The following DCP1A variants were observed in gnomAD, a reference collection of about 807,000 sequenced individuals.
DCP1A encodes mRNA-decapping enzyme 1A.
DCP1A carries 20 observed loss-of-function variants against 58.0 expected under a neutral mutation model. That is an observed-to-expected ratio of 0.34 (90% CI 0.24 to 0.50). The LOEUF (loss-of-function observed/expected upper bound fraction) is 0.50. Ranked by LOEUF, DCP1A falls within the 20% of genes least tolerant of loss-of-function variation. The pLI is 0.98. For missense variants in DCP1A, 613 were observed against 712.2 expected, an observed-to-expected ratio of 0.86 and a Z score of 1.59; for synonymous variants, 285 against 275.1, an observed-to-expected ratio of 1.04 and a Z score of -0.36.
At chr3:53,307,052 C>T (rs782507605) in intron 5 of DCP1A, among the ~76,000 whole-genome samples, 3 of 149,762 alleles carry the variant, frequency 2.0e-5, no homozygotes, top group South Asian at 4.3e-4. Flanking sequence ...TTCTCATGAA[C>T]CTCAGCCTCC....
intron 7 of DCP1A, among the ~76,000 whole-genome samples, 163 bp downstream of exon 7, chr3:53,291,906 A>T (rs186628155): frequency 6.6e-6 from 1 of 152,222 alleles, no homozygotes; most frequent in East Asian, 1.9e-4. Flanking sequence ...TTGGTTGTTC[A>T]TGATAGGGCT....
intron 2 of DCP1A, among the ~76,000 whole-genome samples, chr3:53,343,830 C>T (rs74433231): frequency 6.6e-6 from 1 of 152,126 alleles, no homozygotes; most frequent in East Asian, 1.9e-4. Context: ...CCAGGATGGT[C>T]TTGATCTCCT....
rs1706710441 is a variant in DCP1A at position 53,288,066 on chromosome 3, T to C, written c.1667A>G (p.Lys556Arg). The change falls in exon 9 of 10, where the codon AAG becomes AGG. Residue 556 changes from lysine (K) to arginine (R), a missense_variant and splice_region_variant. By Grantham distance (26) the Lys-to-Arg change is conservative. Transcript: ENST00000610213. ...QLQDTLIHLI[K>R]NDSSFLSTLH... The stretch of plus-strand genomic sequence containing the variant: ...AGATAAAATTGGTATCCTACATACC[T>C]TTATTAGATGTATTAATGTATCCTG... 6.2e-7 allele frequency: 1 copy of C among 1,611,880 alleles called. No homozygotes were observed. The highest frequency in any genetic ancestry group is 8.5e-7 in the Non-Finnish European group (1 of 1,177,988).
chr3:53,309,098 A>G (rs1707565975), intron 5 of DCP1A, among the ~76,000 whole-genome samples: 1 of 152,172 alleles, frequency 6.6e-6, no homozygotes, highest in African/African-American at 2.4e-5. Context: ...GAGGCTAGGT[A>G]CGGTGGCTCA....
chr3:53,329,519 C>T (rs1397996026), intron 3 of DCP1A: 4 of 394,132 alleles, frequency 1.0e-5, no homozygotes, highest in South Asian at 2.7e-4. Context: ...TTGTCTTTTT[C>T]GGTTAAGCAA....
chr3:53,335,071 A>C (rs1471844864), intron 3 of DCP1A, among the ~76,000 whole-genome samples: 3 of 150,906 alleles, frequency 2.0e-5, no homozygotes, highest in African/African-American at 7.3e-5. Flanking sequence ...TTGACATCTC[A>C]TCAGAATGTG....
chr3:53,297,158 G>C (rs1553686859), intron 6 of DCP1A, among the ~76,000 whole-genome samples: 3 of 152,110 alleles, frequency 2.0e-5, no homozygotes, highest in Non-Finnish European at 4.4e-5. Context: ...GTTTGAATTT[G>C]CATGTCCCTA....
At chr3:53,325,014 A>G (rs192766811) in intron 3 of DCP1A, among the ~76,000 whole-genome samples, 1 of 152,194 alleles carries the variant, frequency 6.6e-6, no homozygotes, top group Non-Finnish European at 1.5e-5. Context: ...TCTTTTGAAA[A>G]TGTAAAAAAA....
At chr3:53,308,498 TGACCA>T (rs1707542154) in intron 5 of DCP1A, among the ~76,000 whole-genome samples, 2 of 152,202 alleles carry the variant, frequency 1.3e-5, no homozygotes, top group African/African-American at 4.8e-5. Context: ...CATTATATGT[TGACCA>T]GGCCTGTCCT....
intron 5 of DCP1A, among the ~76,000 whole-genome samples, chr3:53,308,989 C>G (rs1288527055): frequency 6.6e-6 from 1 of 152,102 alleles, no homozygotes; most frequent in Admixed American, 6.6e-5. Flanking sequence ...CCGCACCCCC[C>G]TGACCAAAAT....
At position 53,291,761 on chromosome 3, in the gene DCP1A, G is replaced by A. The variant is rs546224799; in HGVS notation, c.1383+308C>T. 3.9e-5 allele frequency among the ~76,000 whole-genome samples: 6 copies of A among 152,234 alleles called. No homozygotes were observed. The South Asian group carries it at 6.2e-4, about 16-fold the overall frequency. On this transcript the variant is annotated intron_variant, in intron 7 of 9. Coordinates refer to ENST00000610213, the MANE Select transcript of DCP1A (RefSeq NM_018403.7). ...AAGGTAGGCACTCTAGGAGACTGCC[G>A]TGGGAGATAGGGAGTTAAGCTTTGG...
intron 4 of DCP1A, among the ~76,000 whole-genome samples, chr3:53,314,764 C>T (rs1239357127): frequency 6.7e-6 from 1 of 149,152 alleles, no homozygotes; most frequent in Admixed American, 6.8e-5. Flanking sequence ...CTTCGACTCC[C>T]GGGTTCAAGC....
chr3:53,336,207 G>A (rs1006882094), intron 3 of DCP1A, among the ~76,000 whole-genome samples: 51 of 152,264 alleles, frequency 3.3e-4, no homozygotes, highest in African/African-American at 1.2e-3. Flanking sequence ...GGGTTCAAAC[G>A]ATTCTTCTGA....
chr3:53,306,770 CAAAAA>C (rs1169051475), intron 5 of DCP1A, among the ~76,000 whole-genome samples: 1 of 34,622 alleles, frequency 2.9e-5, no homozygotes. Context: ...GACTCCGTCT[CAAAAA>C]AAAAAAAAAA....
Position 53,284,590 on chromosome 3 carries a change from G to A in DCP1A, c.*2990C>T, listed in dbSNP as rs578014287. On this transcript the variant is annotated 3_prime_UTR_variant, in exon 10 of 10. Transcript: ENST00000610213. ...GTCTCACTGTCGCCCAGGCTAGAGT[G>A]CAGTGGTGTGATCTTGGCTCACTGC... The A allele has an allele frequency of 2.2e-5, 3 of 135,474 alleles. No individual in the cohort carries two copies. The highest frequency in any genetic ancestry group is 8.7e-5 in the African/African-American group (3 of 34,478). 8.4% of individuals were successfully genotyped at this position (135,474 alleles called of 1,614,324 possible). A position where few individuals can be genotyped will look rare whatever the true frequency, so the allele number is the denominator to read the frequency against.
Position 53,287,385 on chromosome 3 carries a change from T to G in DCP1A, c.*195A>C. ...TTTTTTTTTTGTCAAAACAAGGATCTGCTGGTGATGCTTCACAGTGAAACC... is the reference window on the plus strand; with the variant it reads ...TTTTTTTTTTGTCAAAACAAGGATCGGCTGGTGATGCTTCACAGTGAAACC... On this transcript the variant is annotated 3_prime_UTR_variant, in exon 10 of 10. Transcript: ENST00000610213. 9.4e-6 allele frequency: 2 copies of G among 211,904 alleles called. No homozygotes were observed. Among genetic ancestry groups the G allele is most frequent in the East Asian group, 1.0e-4 (1 of 9,802 alleles). The allele number at this position is 211,904 out of a possible 1,614,324, so 13.1% of individuals were successfully genotyped here.
In DCP1A at chr3:53,284,497, G is replaced by A. The variant is rs1303653577; in HGVS notation, c.*3083C>T. 1 of 144,670 alleles carries A rather than the reference G, an allele frequency of 6.9e-6. No homozygotes were observed. Among genetic ancestry groups the A allele is most frequent in the Non-Finnish European group, 1.5e-5 (1 of 66,518 alleles). The allele number at this position is 144,670 out of a possible 1,614,324, so 9.0% of individuals were successfully genotyped here. A position where few individuals can be genotyped will look rare whatever the true frequency, so the allele number is the denominator to read the frequency against. Reference sequence around the variant, plus strand: ...GACATATACTAAACTAAGCCTGTGTGTCCCCCTGTAGAGAGGGGCCCAGCG... The same window carrying A: ...GACATATACTAAACTAAGCCTGTGTATCCCCCTGTAGAGAGGGGCCCAGCG... On this transcript the variant is annotated 3_prime_UTR_variant, in exon 10 of 10. Coordinates refer to ENST00000610213, the MANE Select transcript of DCP1A (RefSeq NM_018403.7).
chr3:53,329,234 A>G lies in DCP1A; in HGVS notation c.305-9761T>C, dbSNP rs1708193118. 3 of 396,404 alleles carry G rather than the reference A, an allele frequency of 7.6e-6. No homozygotes were observed. The East Asian group carries it at 1.1e-4, about 14-fold the overall frequency. The allele number at this position is 396,404 out of a possible 1,614,324, so 24.6% of individuals were successfully genotyped here. ...TTGAACTGAGAAAGGACAAGCAGAGAGACAAAAAAAGCACACACTACAGCA... is the reference window on the plus strand; with the variant it reads ...TTGAACTGAGAAAGGACAAGCAGAGGGACAAAAAAAGCACACACTACAGCA... On this transcript the variant is annotated intron_variant, in intron 3 of 9. Coordinates refer to ENST00000610213, the MANE Select transcript of DCP1A (RefSeq NM_018403.7).
rs187145355 is a variant in DCP1A at position 53,305,873 on chromosome 3, A to G, written c.511-1583T>C. On this transcript the variant is annotated intron_variant, in intron 5 of 9. Coordinates refer to ENST00000610213, the MANE Select transcript of DCP1A (RefSeq NM_018403.7). ...TACCATTAATGTGCTCATGACATTA[A>G]AAATGAAAATAATCTTGTTCTTAAA... is the stretch of plus-strand genomic sequence containing the variant. Among the ~76,000 whole-genome samples the G allele has an allele frequency of 2.0e-3, 301 of 152,294 alleles. 4 individuals are homozygous for G. Among genetic ancestry groups the G allele is most frequent in the Middle Eastern group, 3.4e-3 (1 of 294 alleles).
Sources: allele counts gnomAD v4.1 joint callset (sites outside exome capture counted in the v4.1 genomes callset), GRCh38; gene constraint gnomAD v4.1.1; transcripts MANE v1.5; gene names NCBI Gene and HGNC (gene_info 2026-07-23, HGNC 2026-07-21).